Variants in FMNL2 observed in about 807,000 individuals in gnomAD.
The protein encoded by FMNL2 is formin-like protein 2.
Under a neutral mutation model 130.2 loss-of-function variants are expected in FMNL2, and 51 were observed. The observed-to-expected ratio is 0.39, with a 90% CI of 0.31 to 0.49. The LOEUF (loss-of-function observed/expected upper bound fraction) is 0.49, where lower values mean the gene tolerates loss of function less well. Ranked by LOEUF, FMNL2 falls within the 20% of genes least tolerant of loss-of-function variation. The pLI is 0.85. For synonymous variants in FMNL2, 465 were observed against 467.1 expected (o/e 1.00, Z 0.06); for missense variants, 977 against 1,316.2 (o/e 0.74, Z 3.99).
At chr2:152,455,615 G>A (rs1242527068) in intron 1 of FMNL2, among the ~76,000 whole-genome samples, 3 of 152,160 alleles carry the variant, frequency 2.0e-5, no homozygotes, top group African/African-American at 7.2e-5. Context: ...ATACAACACA[G>A]TTCTTCATGG....
At chr2:152,582,017 C>G (rs1696816457) in intron 9 of FMNL2, among the ~76,000 whole-genome samples, 1 of 152,140 alleles carries the variant, frequency 6.6e-6, no homozygotes, top group African/African-American at 2.4e-5. Flanking sequence ...GCTATACCAG[C>G]TACATGCATG....
intron 1 of FMNL2, among the ~76,000 whole-genome samples, chr2:152,443,921 T>G (rs1688203272): frequency 6.6e-6 from 1 of 152,054 alleles, no homozygotes; most frequent in Non-Finnish European, 1.5e-5. Context: ...AATTAAGTAC[T>G]AAAGAGGGTT....
At chr2:152,639,288 G>A (rs1028745081) in intron 23 of FMNL2, among the ~76,000 whole-genome samples, 10 of 152,224 alleles carry the variant, frequency 6.6e-5, no homozygotes, top group African/African-American at 2.4e-4. Flanking sequence ...CTGGGCTGGA[G>A]GATGTGGTGT....
intron 1 of FMNL2, among the ~76,000 whole-genome samples, chr2:152,362,433 C>G (rs1256065257): frequency 2.6e-5 from 4 of 152,166 alleles, no homozygotes; most frequent in Non-Finnish European, 5.9e-5. Flanking sequence ...TTCCTAGTAA[C>G]AGAGGTAAAA....
At chr2:152,512,235 C>T (rs980895949) in intron 1 of FMNL2, among the ~76,000 whole-genome samples, 3 of 152,116 alleles carry the variant, frequency 2.0e-5, no homozygotes, top group African/African-American at 7.2e-5. Flanking sequence ...TGTCAAGAAT[C>T]GTTAGACAGC....
rs149717931 is a variant in FMNL2, at chr2:152,381,083, C to T, written c.117+45363C>T. On this transcript the variant is annotated intron_variant, in intron 1 of 25. Coordinates refer to ENST00000288670, the MANE Select transcript of FMNL2 (RefSeq NM_052905.4). ...TGTAAAAGAAGCCTTGTTTTGAAAC[C>T]AAGAGTTGTTAATCTGACCAAATTT... Among the ~76,000 whole-genome samples, 276 of 152,168 alleles carry T rather than the reference C, an allele frequency of 1.8e-3. 1 individual carries two copies. Among genetic ancestry groups the T allele is most frequent in the Non-Finnish European group, 3.1e-3 (214 of 68,008 alleles).
chr2:152,607,940 A>G (rs1463185208), intron 10 of FMNL2, among the ~76,000 whole-genome samples: 1 of 151,944 alleles, frequency 6.6e-6, no homozygotes, highest in Admixed American at 6.6e-5. Flanking sequence ...GGGTATAATC[A>G]TATTGGGGCT....
intron 1 of FMNL2, among the ~76,000 whole-genome samples, chr2:152,368,430 A>G (rs993860287): frequency 2.0e-5 from 3 of 151,562 alleles, no homozygotes; most frequent in Non-Finnish European, 4.4e-5. Context: ...TTTAAGATCT[A>G]GGGGCATTTG....
intron 1 of FMNL2, among the ~76,000 whole-genome samples, chr2:152,511,707 G>A (rs1465573640): frequency 6.6e-6 from 1 of 152,104 alleles, no homozygotes; most frequent in Non-Finnish European, 1.5e-5. Context: ...CTGTGAAAGA[G>A]AAGAGGGAGA....
chr2:152,507,985 G>T (rs912365904), intron 1 of FMNL2, among the ~76,000 whole-genome samples: 3 of 152,104 alleles, frequency 2.0e-5, no homozygotes, highest in African/African-American at 7.2e-5. Context: ...ATTAAGTTAC[G>T]ATAATATGGC....
chr2:152,499,467 G>A (rs2105316980), intron 1 of FMNL2, among the ~76,000 whole-genome samples: 1 of 152,268 alleles, frequency 6.6e-6, no homozygotes, highest in East Asian at 1.9e-4. Context: ...CATAGCTCTG[G>A]AAGGTCTTGT....
At chr2:152,605,318 G>T in intron 9 of FMNL2, among the ~76,000 whole-genome samples, 1 of 146,882 alleles carries the variant, frequency 6.8e-6, no homozygotes, top group Non-Finnish European at 1.5e-5. Context: ...GTGTGTGTGT[G>T]CGTGTGTGTG....
chr2:152,589,469 G>A (rs181975541), intron 9 of FMNL2, among the ~76,000 whole-genome samples: 11 of 152,232 alleles, frequency 7.2e-5, no homozygotes, highest in South Asian at 4.1e-4. Context: ...GGAAGATAAC[G>A]AGGAGAACCC....
At chr2:152,475,619 C>T (rs968591896) in intron 1 of FMNL2, among the ~76,000 whole-genome samples, 4 of 152,000 alleles carry the variant, frequency 2.6e-5, no homozygotes, top group East Asian at 1.9e-4. Context: ...CTCAGCTTCC[C>T]GAGTCGCTGG....
chr2:152,619,564 A>ACCCCCCCCCCCCCC lies in FMNL2; in HGVS notation c.1685_1686insCCCCCCCCCCCCCC (p.Pro567LeufsTer26). 1 of 709,540 alleles carries ACCCCCCCCCCCCCC rather than the reference A, an allele frequency of 1.4e-6. No individual in the cohort carries two copies. The highest frequency in any genetic ancestry group is 1.9e-6 in the Non-Finnish European group (1 of 536,744). The allele number at this position is 709,540 out of a possible 1,614,324, so 44.0% of individuals were successfully genotyped here. The stretch of plus-strand genomic sequence containing the variant: ...CACCGCCGCCGCCGCCCCCTCCTCC[A>ACCCCCCCCCCCCCC]CCTCCTCCTCCCCCACCGCCCCCTC... On this transcript the variant is annotated frameshift_variant, in exon 15 of 26. Coordinates refer to ENST00000288670, the MANE Select transcript of FMNL2 (RefSeq NM_052905.4). LOFTEE classifies it high-confidence loss of function.
intron 1 of FMNL2, among the ~76,000 whole-genome samples, chr2:152,472,384 G>C (rs1689906777): frequency 6.6e-6 from 1 of 152,200 alleles, no homozygotes; most frequent in East Asian, 1.9e-4. Flanking sequence ...TAATATTTTT[G>C]ATTGAAAAGC....
chr2:152,396,960 A>C (rs555367234), intron 1 of FMNL2, among the ~76,000 whole-genome samples: 1 of 152,334 alleles, frequency 6.6e-6, no homozygotes, highest in Non-Finnish European at 1.5e-5. Context: ...AGTGGAATGC[A>C]CTTGGCATGT....
chr2:152,551,388 CTA>C lies in FMNL2; in HGVS notation c.359+2293_359+2294del, dbSNP rs59504456. Among the ~76,000 whole-genome samples, 655 of 152,304 alleles carry C rather than the reference CTA, an allele frequency of 4.3e-3. 4 individuals carry two copies. Among genetic ancestry groups the C allele is most frequent in the African/African-American group, 0.014 (600 of 41,554 alleles). ...GGTGAAGTTTTCCCTTGCCCACCAT[CTA>C]TGTGAGGAACTCTGAAAGCTTTGGC... On this transcript the variant is annotated intron_variant, in intron 4 of 25. Transcript: ENST00000288670.
At chr2:152,448,225 T>C (rs928311329) in intron 1 of FMNL2, among the ~76,000 whole-genome samples, 1 of 151,926 alleles carries the variant, frequency 6.6e-6, no homozygotes, top group African/African-American at 2.4e-5. Flanking sequence ...AAACACATAA[T>C]AACAGAAGGC....
Sources: gnomAD v4.1 joint callset for allele counts (sites outside exome capture counted in the v4.1 genomes callset) on GRCh38, gnomAD v4.1.1 for gene constraint, MANE v1.5 for transcripts, NCBI Gene and HGNC (gene_info 2026-07-23, HGNC 2026-07-21) for gene names.